The following DCHS2 variants were observed in gnomAD, a reference collection of about 807,000 sequenced individuals.
The protein encoded by DCHS2 is dachsous cadherin-related 2, also known as protocadherin-23.
A neutral mutation model predicts 182.4 loss-of-function variants in DCHS2; 142 were observed. The ratio of observed to expected loss-of-function variants is 0.78; its 90% CI spans 0.68 to 0.89. The LOEUF (loss-of-function observed/expected upper bound fraction) is 0.89. Among genes scored for constraint, DCHS2 ranks in the 40% least tolerant of loss-of-function variants. DCHS2 has a pLI of 0.00. For synonymous variants in DCHS2, 1,740 were observed against 1,663.3 expected (o/e 1.05, Z -1.12); for missense variants, 4,319 against 4,198.6 (o/e 1.03, Z -0.79).
In DCHS2 at chr4:154,322,451, A is replaced by G. The variant is rs75387086; in HGVS notation, c.4056T>C (p.Asn1352=). ...GTATTGTGGTTGTTCTTATTTCACCATTGTTGGCGTCAATCTTAAAGTGAT... is the reference window on the plus strand; with the variant it reads ...GTATTGTGGTTGTTCTTATTTCACCGTTGTTGGCGTCAATCTTAAAGTGAT... ...SSDHFKIDAN[N]GEIRTTTILS... Residue 1352 remains asparagine, a synonymous_variant, in exon 8 of 20, where the codon AAT becomes AAC. Transcript: ENST00000357232. 4,415 of 1,613,558 alleles carry G rather than the reference A, an allele frequency of 2.7e-3. 49 individuals carry two copies. In the African/African-American group the frequency reaches 0.033, roughly 12 times the overall value.
chr4:154,311,324 T>C (rs992233236), intron 10 of DCHS2, among the ~76,000 whole-genome samples: 2 of 152,198 alleles, frequency 1.3e-5, no homozygotes, highest in African/African-American at 4.8e-5. Context: ...AGCAAATTCC[T>C]GGGCTCAAGC....
chr4:154,255,013 C>A (rs916478835), intron 16 of DCHS2, among the ~76,000 whole-genome samples: 2 of 152,042 alleles, frequency 1.3e-5, no homozygotes, highest in African/African-American at 4.8e-5. Context: ...ACTCTAGGCA[C>A]AAAGTTTTAA....
chr4:154,484,756 C>T (rs924644376), intron 1 of DCHS2, among the ~76,000 whole-genome samples: 4 of 152,044 alleles, frequency 2.6e-5, no homozygotes, highest in Admixed American at 1.3e-4. Context: ...GGTGAGGGGA[C>T]CATTAATAGA....
intron 1 of DCHS2, among the ~76,000 whole-genome samples, chr4:154,396,009 G>A (rs1731914299): frequency 6.6e-6 from 1 of 152,206 alleles, no homozygotes; most frequent in Non-Finnish European, 1.5e-5. Flanking sequence ...TTAGGAAATT[G>A]AGCGAGGTAA....
At chr4:154,305,959 T>C (rs1025380622) in intron 10 of DCHS2, among the ~76,000 whole-genome samples, 6 of 152,172 alleles carry the variant, frequency 3.9e-5, no homozygotes, top group Non-Finnish European at 7.4e-5. Flanking sequence ...CCTATGTTCC[T>C]TTCTTAACTG....
At chr4:154,406,360 C>T (rs962362815) in intron 1 of DCHS2, among the ~76,000 whole-genome samples, 7 of 152,220 alleles carry the variant, frequency 4.6e-5, no homozygotes, top group Non-Finnish European at 8.8e-5. Flanking sequence ...ATTAGAAAGG[C>T]GCCCTGAATC....
At chr4:154,344,386 T>C (rs958339056) in intron 3 of DCHS2, among the ~76,000 whole-genome samples, 3 of 152,220 alleles carry the variant, frequency 2.0e-5, no homozygotes, top group Non-Finnish European at 4.4e-5. Flanking sequence ...ATAAATAGGC[T>C]GGGCTTAGAT....
intron 1 of DCHS2, among the ~76,000 whole-genome samples, chr4:154,401,791 A>G (rs931728441): frequency 2.6e-5 from 4 of 152,164 alleles, no homozygotes; most frequent in African/African-American, 9.7e-5. Context: ...TCAGGAATTC[A>G]AGACCAGCCT....
At position 154,239,015 on chromosome 4, in the gene DCHS2, C is replaced by A. The variant is rs183921677; in HGVS notation, c.7492+155G>T. Among the ~76,000 whole-genome samples the A allele has an allele frequency of 4.6e-3, 706 of 152,026 alleles. 7 individuals carry two copies. Among genetic ancestry groups the A allele is most frequent in the Middle Eastern group, 0.01 (3 of 294 alleles). On this transcript the variant is annotated intron_variant, in intron 19 of 19. Coordinates refer to ENST00000357232, the MANE Select transcript of DCHS2 (RefSeq NM_001358235.2). ...ATAACACTGGCATTTGCTATCGCAG[C>A]ACTTCATGTGAAGAGTAATGAAACA...
At chr4:154,371,130 G>A (rs962365544) in intron 2 of DCHS2, among the ~76,000 whole-genome samples, 2 of 151,920 alleles carry the variant, frequency 1.3e-5, no homozygotes, top group South Asian at 2.1e-4. Flanking sequence ...AGAATGATGA[G>A]GAAACTGGTG....
intron 1 of DCHS2, among the ~76,000 whole-genome samples, chr4:154,388,661 A>C (rs1053982454): frequency 1.3e-5 from 2 of 151,462 alleles, no homozygotes; most frequent in South Asian, 4.2e-4. Flanking sequence ...CGGCTGTCTA[A>C]TTTTTTTTAT....
intron 1 of DCHS2, among the ~76,000 whole-genome samples, chr4:154,415,331 G>A (rs960800013): frequency 3.3e-5 from 5 of 151,946 alleles, no homozygotes; most frequent in Admixed American, 3.3e-4. Flanking sequence ...ACATTTAATT[G>A]GAGCCCATGA....
rs770817730 is a variant in DCHS2 at position 154,419,388 on chromosome 4, A to G, written c.2053-41944T>C. ...GTGTGAAAAATGAGATGCAGCAATT[A>G]TATTTTAAAAATGCTACTTTGTGAG... On this transcript the variant is annotated intron_variant, in intron 1 of 19. Transcript: ENST00000357232. Among the ~76,000 whole-genome samples the G allele has an allele frequency of 7.2e-5, 11 of 152,164 alleles. 1 individual carries two copies. The highest frequency in any genetic ancestry group is 1.5e-4 in the Non-Finnish European group (10 of 68,036).
intron 16 of DCHS2, among the ~76,000 whole-genome samples, chr4:154,254,984 T>G (rs1732579786): frequency 6.6e-6 from 1 of 152,228 alleles, no homozygotes; most frequent in Non-Finnish European, 1.5e-5. Context: ...GAATTCTGTA[T>G]AAGGCTGGCA....
chr4:154,449,347 TA>T (rs942217317), intron 1 of DCHS2, among the ~76,000 whole-genome samples: 7 of 151,782 alleles, frequency 4.6e-5, no homozygotes, highest in African/African-American at 1.5e-4. Flanking sequence ...AATAAAGAAG[TA>T]AAAAAAATGA....
intron 1 of DCHS2, among the ~76,000 whole-genome samples, chr4:154,400,302 C>CAA (rs56268638): frequency 3.3e-5 from 3 of 91,460 alleles, no homozygotes; most frequent in African/African-American, 7.9e-5. Context: ...GACTTCGTCT[C>CAA]AAAAAAAAAA....
intron 1 of DCHS2, among the ~76,000 whole-genome samples, chr4:154,379,519 G>A (rs1731073632): frequency 6.6e-6 from 1 of 152,176 alleles, no homozygotes; most frequent in African/African-American, 2.4e-5. Flanking sequence ...CACGAGGAAA[G>A]TTATACCCAG....
chr4:154,366,358 ATAGG>A lies in DCHS2; in HGVS notation c.2324_2327del (p.Thr775MetfsTer2). On this transcript the variant is annotated frameshift_variant, in exon 3 of 20. Transcript: ENST00000357232. LOFTEE classifies it high-confidence loss of function. ...GGGTCTCATCACTGATGCTCGTCAC[ATAGG>A]TTGATGGGTTAAACACAGGATGATT... 3.7e-6 allele frequency: 6 copies of A among 1,613,948 alleles called. No homozygotes were observed. The highest frequency in any genetic ancestry group is 4.2e-6 in the Non-Finnish European group (5 of 1,179,912).
chr4:154,421,030 T>C (rs1733089314), intron 1 of DCHS2, among the ~76,000 whole-genome samples: 1 of 152,178 alleles, frequency 6.6e-6, no homozygotes, highest in South Asian at 2.1e-4. Context: ...GGCTCAGAAG[T>C]CACACTCACT....
Sources: gnomAD v4.1 joint callset for allele counts (sites outside exome capture counted in the v4.1 genomes callset) on GRCh38, gnomAD v4.1.1 for gene constraint, MANE v1.5 for transcripts, NCBI Gene and HGNC (gene_info 2026-07-23, HGNC 2026-07-21) for gene names.